SGCZ: variants seen among roughly 807,000 people sequenced by gnomAD.
SGCZ encodes the protein sarcoglycan zeta.
SGCZ carries 40 observed loss-of-function variants against 41.3 expected under a neutral mutation model. The observed-to-expected ratio is 0.97, with a 90% CI of 0.75 to 1.26. The LOEUF is 1.26. SGCZ is among the 50% of genes most tolerant of loss of function. The pLI, the probability that SGCZ is intolerant of heterozygous loss-of-function variation, is 0.00. For missense variants in SGCZ, 552 were observed against 369.8 expected (o/e 1.49, Z -4.04); for synonymous variants, 206 against 137.5 (o/e 1.50, Z -3.49).
chr8:14,607,077 A>G (rs991066092), intron 1 of SGCZ, among the ~76,000 whole-genome samples: 1 of 152,150 alleles, frequency 6.6e-6, no homozygotes, highest in Non-Finnish European at 1.5e-5. Flanking sequence ...TGGCTCATCT[A>G]TTCATTGACT....
intron 1 of SGCZ, among the ~76,000 whole-genome samples, chr8:15,166,785 C>G (rs1181517605): frequency 1.3e-5 from 2 of 152,184 alleles, no homozygotes; most frequent in Non-Finnish European, 2.9e-5. Context: ...TTTTAATCCT[C>G]TTCAAGGGTG....
At chr8:14,135,460 A>G (rs1323783733) in intron 5 of SGCZ, among the ~76,000 whole-genome samples, 15 of 152,224 alleles carry the variant, frequency 9.9e-5, no homozygotes, top group Admixed American at 9.8e-4. Flanking sequence ...TAAGAGGATA[A>G]CAGGGCTTTC....
intron 4 of SGCZ, among the ~76,000 whole-genome samples, chr8:14,190,342 T>A (rs1248307594): frequency 6.6e-6 from 1 of 151,872 alleles, no homozygotes. Context: ...GGCTGAATAA[T>A]ATCCCATTAT....
chr8:14,620,593 G>GA (rs138138673), intron 1 of SGCZ, among the ~76,000 whole-genome samples: 118,431 of 151,984 alleles, frequency 0.78, 46,596 homozygotes, highest in Non-Finnish European at 0.83. Context: ...AAATTTATGA[G>GA]AAAAAACAAA....
At chr8:14,856,523 T>G (rs749635170) in intron 1 of SGCZ, among the ~76,000 whole-genome samples, 4 of 152,222 alleles carry the variant, frequency 2.6e-5, no homozygotes, top group Non-Finnish European at 5.9e-5. Flanking sequence ...TATGAGTGAC[T>G]GCTACTGAGA....
chr8:14,467,724 A>G (rs1801092359), intron 2 of SGCZ, among the ~76,000 whole-genome samples: 2 of 152,006 alleles, frequency 1.3e-5, no homozygotes, highest in African/African-American at 2.4e-5. Context: ...CTACACTTCC[A>G]TCTTTCCAGA....
chr8:15,065,102 T>G (rs149957146), intron 1 of SGCZ, among the ~76,000 whole-genome samples: 1 of 152,280 alleles, frequency 6.6e-6, no homozygotes, highest in African/African-American at 2.4e-5. Context: ...AATTTCCCCT[T>G]GGTCTCACTT....
chr8:14,541,281 C>G (rs1045051157), intron 2 of SGCZ, among the ~76,000 whole-genome samples: 2 of 151,896 alleles, frequency 1.3e-5, no homozygotes, highest in Non-Finnish European at 2.9e-5. Context: ...AGGTATTTGT[C>G]CTAATGCTCT....
chr8:14,933,171 A>G (rs1799968812), intron 1 of SGCZ, among the ~76,000 whole-genome samples: 1 of 151,952 alleles, frequency 6.6e-6, no homozygotes, highest in African/African-American at 2.4e-5. Context: ...ATTGTACAGC[A>G]AACGTCAGAA....
intron 1 of SGCZ, among the ~76,000 whole-genome samples, chr8:14,886,000 T>TAC (rs1804782862): frequency 1.2e-5 from 1 of 83,786 alleles, no homozygotes; most frequent in Non-Finnish European, 2.6e-5. Context: ...TATATATATA[T>TAC]ATATATATAT....
intron 1 of SGCZ, among the ~76,000 whole-genome samples, chr8:15,007,605 AT>A (rs1241928274): frequency 3.3e-5 from 5 of 152,216 alleles, no homozygotes; most frequent in African/African-American, 1.2e-4. Context: ...TGTTCCTGAT[AT>A]ATTTTAAGTT....
intron 2 of SGCZ, among the ~76,000 whole-genome samples, chr8:14,361,134 C>A (rs999460152): frequency 3.3e-5 from 5 of 152,084 alleles, no homozygotes; most frequent in African/African-American, 1.2e-4. Context: ...TGGATTGTTT[C>A]TTTGTTAAGC....
intron 2 of SGCZ, among the ~76,000 whole-genome samples, chr8:14,526,350 T>C (rs563338681): frequency 6.6e-6 from 1 of 152,254 alleles, no homozygotes; most frequent in African/African-American, 2.4e-5. Context: ...TAGTCAGAGT[T>C]CTTTTCTATT....
intron 1 of SGCZ, among the ~76,000 whole-genome samples, chr8:15,088,317 T>C (rs1264788484): frequency 2.0e-5 from 3 of 152,170 alleles, no homozygotes. Context: ...AGTTGTCTAT[T>C]AAATGTCTAT....
intron 2 of SGCZ, among the ~76,000 whole-genome samples, chr8:14,476,697 TACA>T (rs1246547723): frequency 6.6e-6 from 1 of 152,166 alleles, no homozygotes; most frequent in Non-Finnish European, 1.5e-5. Flanking sequence ...CACTGATTCT[TACA>T]ACAACTTGGT....
At chr8:14,288,770 T>A (rs1800736687) in intron 3 of SGCZ, among the ~76,000 whole-genome samples, 1 of 152,190 alleles carries the variant, frequency 6.6e-6, no homozygotes. Context: ...GTTTGACCAC[T>A]TGTTACCAAT....
At chr8:15,176,221 G>C (rs987738442) in intron 1 of SGCZ, among the ~76,000 whole-genome samples, 1 of 152,118 alleles carries the variant, frequency 6.6e-6, no homozygotes, top group Non-Finnish European at 1.5e-5. Flanking sequence ...TCACCTTCTA[G>C]TCTGTACCAT....
chr8:14,713,995 G>A (rs866771066), intron 1 of SGCZ, among the ~76,000 whole-genome samples: 9 of 152,166 alleles, frequency 5.9e-5, no homozygotes, highest in Non-Finnish European at 1.0e-4. Context: ...TTCAGATGGA[G>A]TCTCACTCTG....
chr8:14,506,045 A>C (rs1802295473), intron 2 of SGCZ, among the ~76,000 whole-genome samples: 1 of 151,966 alleles, frequency 6.6e-6, no homozygotes, highest in Non-Finnish European at 1.5e-5. Flanking sequence ...GCAATCTAAA[A>C]CAATTTTCTG....
Sources: allele counts gnomAD v4.1 joint callset (sites outside exome capture counted in the v4.1 genomes callset), GRCh38; gene constraint gnomAD v4.1.1; transcripts MANE v1.5; gene names NCBI Gene and HGNC (gene_info 2026-07-23, HGNC 2026-07-21).